The following VPS37A variants were observed in gnomAD, a reference collection of about 807,000 sequenced individuals.
The protein encoded by VPS37A is VPS37A subunit of ESCRT-I.
In VPS37A, 30 loss-of-function variants were observed where a neutral mutation model predicts 49.8. The observed-to-expected ratio is 0.60, with a 90% CI of 0.45 to 0.82. The LOEUF is 0.82. VPS37A is among the 40% of genes least tolerant of loss of function. VPS37A has a pLI of 0.00. For missense variants in VPS37A, 593 were observed against 464.4 expected (o/e 1.28, Z -2.55); for synonymous variants, 195 against 160.6 (o/e 1.21, Z -1.62).
chr8:17,312,845 A>G, the VPS37A span, among the ~76,000 whole-genome samples: 1 of 152,194 alleles, frequency 6.6e-6, no homozygotes, highest in Non-Finnish European at 1.5e-5. Context: ...ATTGCATTCT[A>G]AAACAGCTTA....
chr8:17,252,317 C>T (rs1452175483), intron 1 of VPS37A, among the ~76,000 whole-genome samples: 3 of 151,924 alleles, frequency 2.0e-5, no homozygotes, highest in Non-Finnish European at 2.9e-5. Context: ...ATGCCTGGCT[C>T]ATAAGTTTAA....
rs764649122 is a variant in VPS37A at position 17,279,949 on chromosome 8, C to G, written c.714-79C>G. The G allele has an allele frequency of 3.8e-6, 6 of 1,586,692 alleles. No individual in the cohort carries two copies. The African/African-American group carries it at 8.1e-5, about 21-fold the overall frequency. On this transcript the variant is annotated intron_variant, in intron 6 of 11. Coordinates refer to ENST00000324849, the MANE Select transcript of VPS37A (RefSeq NM_152415.3). ...TTAGAACCCTATCAGTTAACTAAAG[C>G]TGAAAAATTGTAAATAGTTGTCATG...
chr8:17,268,218 TA>T, intron 2 of VPS37A, 39 bp from the exon 3 acceptor site: 2 of 1,401,532 alleles, frequency 1.4e-6, no homozygotes, highest in Non-Finnish European at 2.0e-6. Flanking sequence ...GTACCTTTGT[TA>T]TCTTTGTTTT....
chr8:17,256,393 G>T (rs1335308365), intron 1 of VPS37A, among the ~76,000 whole-genome samples: 1 of 131,416 alleles, frequency 7.6e-6, no homozygotes, highest in Non-Finnish European at 1.5e-5. Context: ...CTTCAGTCTT[G>T]CACGTAACTG....
downstream of VPS37A, chr8:17,299,973 C>G (rs1288896438): frequency 6.2e-7 from 1 of 1,614,138 alleles, no homozygotes; most frequent in Non-Finnish European, 8.5e-7. Context: ...CCACCCCGGA[C>G]TCTTGGTCAC....
At position 17,284,627 on chromosome 8, in the gene VPS37A, C is replaced by T. The variant is rs752149519; in HGVS notation, c.1113+11C>T. Reference sequence around the variant, plus strand: ...ATGGAAAAGAGAACAGTATGTAATACTCGTCAGTTGAGGACAAGTATTGGA... The same window carrying T: ...ATGGAAAAGAGAACAGTATGTAATATTCGTCAGTTGAGGACAAGTATTGGA... On this transcript the variant is annotated intron_variant, in intron 10 of 11. Coordinates refer to ENST00000324849, the MANE Select transcript of VPS37A (RefSeq NM_152415.3). 6.9e-6 allele frequency: 11 copies of T among 1,585,222 alleles called. No homozygotes were observed. The highest frequency in any genetic ancestry group is 1.9e-5 in the Admixed American group (1 of 53,338).
intron 5 of VPS37A, among the ~76,000 whole-genome samples, chr8:17,276,150 G>C (rs1224103079): frequency 6.6e-6 from 1 of 151,814 alleles, no homozygotes; most frequent in African/African-American, 2.4e-5. Flanking sequence ...AGAACTACCA[G>C]TTCTCTACCT....
chr8:17,250,795 AT>A (rs1413122214), intron 1 of VPS37A, among the ~76,000 whole-genome samples: 2 of 152,178 alleles, frequency 1.3e-5, no homozygotes, highest in Middle Eastern at 3.4e-3. Context: ...TTTTATGTAA[AT>A]TTTTTCATCT....
chr8:17,312,604 C>A, the VPS37A span, among the ~76,000 whole-genome samples: 9,706 of 142,654 alleles, frequency 0.068, 343 homozygotes, highest in African/African-American at 0.078. Flanking sequence ...AAAAAAAATT[C>A]TCTGTCTCCC....
chr8:17,272,139 G>C lies in VPS37A; in HGVS notation c.417-2594G>C, dbSNP rs992964602. The C allele has an allele frequency of 1.8e-5, 8 of 454,470 alleles. No homozygotes were observed. In the East Asian group the frequency reaches 5.6e-4, roughly 32 times the overall value. The allele number at this position is 454,470 out of a possible 1,614,324, so 28.2% of individuals were successfully genotyped here. On this transcript the variant is annotated intron_variant, in intron 4 of 11. Coordinates refer to ENST00000324849, the MANE Select transcript of VPS37A (RefSeq NM_152415.3). ...TCCACTAATAAAAAGTTCTCCTTCC[G>C]GTGACCATCTGCTCAAAGGCCCACC...
intron 1 of VPS37A, among the ~76,000 whole-genome samples, chr8:17,255,307 C>A (rs1812338496): frequency 6.6e-6 from 1 of 151,962 alleles, no homozygotes; most frequent in Non-Finnish European, 1.5e-5. Context: ...ATGGTGAAAC[C>A]CTGTCTCTAC....
rs189984851 is a variant in VPS37A, at chr8:17,259,851, G to T, written c.126-6056G>T. Among the ~76,000 whole-genome samples the T allele has an allele frequency of 1.4e-3, 206 of 152,122 alleles. 1 individual carries two copies. The highest frequency in any genetic ancestry group is 2.0e-3 in the Non-Finnish European group (137 of 67,936). ...ACCTTTGATTCTTTTTATAGTCTTT[G>T]ATTTGTAGTCTGTTTTATTTGCTGT... On this transcript the variant is annotated intron_variant, in intron 1 of 11. Coordinates refer to ENST00000324849, the MANE Select transcript of VPS37A (RefSeq NM_152415.3).
chr8:17,294,327 C>A (rs533248725), intron 11 of VPS37A, among the ~76,000 whole-genome samples: 2 of 152,134 alleles, frequency 1.3e-5, no homozygotes, highest in South Asian at 4.1e-4. Context: ...CATCCCAGGT[C>A]GACCTCAGAC....
rs1815414095 is a variant in VPS37A, at chr8:17,284,631, T to G, written c.1113+15T>G. 6.3e-7 allele frequency: 1 copy of G among 1,581,182 alleles called. No homozygotes were observed. The highest frequency in any genetic ancestry group is 8.6e-7 in the Non-Finnish European group (1 of 1,168,910). On this transcript the variant is annotated intron_variant, in intron 10 of 11. Coordinates refer to ENST00000324849, the MANE Select transcript of VPS37A (RefSeq NM_152415.3). ...AAAAGAGAACAGTATGTAATACTCG[T>G]CAGTTGAGGACAAGTATTGGATAAA...
chr8:17,292,217 T>G (rs1217562997), intron 11 of VPS37A, among the ~76,000 whole-genome samples: 1 of 152,238 alleles, frequency 6.6e-6, no homozygotes, highest in East Asian at 1.9e-4. Context: ...TTTACCATTA[T>G]GTAATGCCCT....
downstream of VPS37A, among the ~76,000 whole-genome samples, chr8:17,306,752 C>T (rs969778627): frequency 4.6e-5 from 7 of 152,132 alleles, no homozygotes; most frequent in African/African-American, 1.7e-4. Flanking sequence ...AGAGTGGGAA[C>T]ATTGGAAATT....
intron 6 of VPS37A, among the ~76,000 whole-genome samples, chr8:17,279,019 C>G (rs908628480): frequency 6.6e-6 from 1 of 152,010 alleles, no homozygotes; most frequent in Non-Finnish European, 1.5e-5. Context: ...TGGTTTAGCC[C>G]TCCATTATTT....
intron 6 of VPS37A, among the ~76,000 whole-genome samples, chr8:17,279,478 C>G (rs1258926435): frequency 1.3e-5 from 2 of 151,998 alleles, no homozygotes; most frequent in African/African-American, 4.8e-5. Flanking sequence ...CTAGTGTGTT[C>G]AACATTATGC....
chr8:17,248,242 A>G (rs1293705609), intron 1 of VPS37A: 6 of 431,178 alleles, frequency 1.4e-5, no homozygotes, highest in Non-Finnish European at 2.7e-5. Flanking sequence ...AGATGACAAC[A>G]TTGTTAAGTC....
Sources: gnomAD v4.1 joint callset for allele counts (sites outside exome capture counted in the v4.1 genomes callset) on GRCh38, gnomAD v4.1.1 for gene constraint, MANE v1.5 for transcripts, NCBI Gene and HGNC (gene_info 2026-07-23, HGNC 2026-07-21) for gene names.